The following SLC9A9 variants were observed in gnomAD, a reference collection of about 807,000 sequenced individuals.
SLC9A9 encodes the protein solute carrier family 9 member A9, also known as sodium/hydrogen exchanger 9.
A neutral mutation model predicts 77.8 loss-of-function variants in SLC9A9; 62 were observed. The observed-to-expected ratio is 0.80, with a 90% CI of 0.65 to 0.98. The LOEUF is 0.98. Among genes scored for constraint, SLC9A9 ranks in the 50% least tolerant of loss-of-function variants. SLC9A9 has a pLI of 0.00. For missense variants in SLC9A9, 775 were observed against 774.9 expected, an observed-to-expected ratio of 1.00 and a Z score of 0.00; for synonymous variants, 320 against 283.5, an observed-to-expected ratio of 1.13 and a Z score of -1.29.
intron 14 of SLC9A9, among the ~76,000 whole-genome samples, chr3:143,278,434 G>A (rs1372729468): frequency 6.6e-6 from 1 of 152,170 alleles, no homozygotes; most frequent in Non-Finnish European, 1.5e-5. Flanking sequence ...TAATTATTTT[G>A]TCTATTAGTT....
At chr3:143,674,491 C>G (rs2039207566) in intron 5 of SLC9A9, among the ~76,000 whole-genome samples, 2 of 152,168 alleles carry the variant, frequency 1.3e-5, no homozygotes, top group Non-Finnish European at 2.9e-5. Flanking sequence ...AACACACGAG[C>G]AGTGCCAGCG....
chr3:143,573,516 G>A (rs2037304097), intron 8 of SLC9A9, among the ~76,000 whole-genome samples: 1 of 152,094 alleles, frequency 6.6e-6, no homozygotes, highest in African/African-American at 2.4e-5. Context: ...CTAACGAACT[G>A]CCCCCTTTCT....
chr3:143,330,627 C>T (rs188863191), intron 14 of SLC9A9, among the ~76,000 whole-genome samples: 90 of 152,300 alleles, frequency 5.9e-4, no homozygotes, highest in African/African-American at 2.2e-3. Context: ...AAATGTCCTC[C>T]TTCTGTTCCT....
chr3:143,609,728 A>G (rs2037988584), intron 6 of SLC9A9, among the ~76,000 whole-genome samples: 1 of 152,184 alleles, frequency 6.6e-6, no homozygotes, highest in Non-Finnish European at 1.5e-5. Context: ...CATATTATTC[A>G]GTAAGTTGGT....
chr3:143,616,580 G>T (rs2038111047), intron 6 of SLC9A9, among the ~76,000 whole-genome samples: 1 of 152,132 alleles, frequency 6.6e-6, no homozygotes, highest in Non-Finnish European at 1.5e-5. Flanking sequence ...AGAATTTTGG[G>T]AATAGAAGGG....
intron 9 of SLC9A9, among the ~76,000 whole-genome samples, chr3:143,502,394 AT>A (rs2035937052): frequency 6.6e-6 from 1 of 152,170 alleles, no homozygotes; most frequent in South Asian, 2.1e-4. Flanking sequence ...AAGTGACTTA[AT>A]CTAGTTAGCA....
intron 5 of SLC9A9, among the ~76,000 whole-genome samples, chr3:143,676,402 C>CA (rs1169314565): frequency 2.0e-5 from 3 of 152,024 alleles, no homozygotes; most frequent in Non-Finnish European, 4.4e-5. Flanking sequence ...AACAAACAAA[C>CA]AAACAAAACA....
At chr3:143,276,850 G>T (rs1262446767) in intron 14 of SLC9A9, among the ~76,000 whole-genome samples, 2 of 151,786 alleles carry the variant, frequency 1.3e-5, no homozygotes, top group Non-Finnish European at 2.9e-5. Flanking sequence ...ATTTCAGAGA[G>T]TTTTCAGATG....
intron 8 of SLC9A9, among the ~76,000 whole-genome samples, chr3:143,554,143 T>C (rs953692310): frequency 1.3e-5 from 2 of 152,220 alleles, no homozygotes; most frequent in African/African-American, 4.8e-5. Context: ...TGTGTCTGTG[T>C]ATGGATAGCA....
chr3:143,301,746 G>A (rs543787600), intron 14 of SLC9A9, among the ~76,000 whole-genome samples: 1 of 152,314 alleles, frequency 6.6e-6, no homozygotes, highest in Non-Finnish European at 1.5e-5. Context: ...CAAAGTGTGA[G>A]AACCACTGTC....
chr3:143,692,068 T>G (rs1933487471), intron 5 of SLC9A9, among the ~76,000 whole-genome samples: 1 of 152,142 alleles, frequency 6.6e-6, no homozygotes, highest in African/African-American at 2.4e-5. Flanking sequence ...TGATTAAACC[T>G]CTGACTCTAA....
intron 14 of SLC9A9, among the ~76,000 whole-genome samples, chr3:143,308,713 A>C (rs913103217): frequency 6.6e-6 from 1 of 152,156 alleles, no homozygotes; most frequent in Non-Finnish European, 1.5e-5. Flanking sequence ...AATAATACCC[A>C]TAATTGAGTT....
intron 5 of SLC9A9, among the ~76,000 whole-genome samples, chr3:143,659,540 C>T (rs75493925): frequency 0.011 from 1,622 of 152,240 alleles, 25 homozygotes; most frequent in African/African-American, 0.037. Flanking sequence ...AACATTCCTG[C>T]TCCTTAAATA....
chr3:143,615,065 G>T (rs2038081704), intron 6 of SLC9A9, among the ~76,000 whole-genome samples: 1 of 152,074 alleles, frequency 6.6e-6, no homozygotes, highest in Non-Finnish European at 1.5e-5. Flanking sequence ...ATGCCTGCTT[G>T]GTGCTGCTGG....
At chr3:143,633,873 T>A (rs1473060076) in intron 6 of SLC9A9, among the ~76,000 whole-genome samples, 1 of 152,212 alleles carries the variant, frequency 6.6e-6, no homozygotes, top group Non-Finnish European at 1.5e-5. Flanking sequence ...CCTTCTAGTT[T>A]CATTTTAGGA....
At chr3:143,624,993 A>G (rs1212818274) in intron 6 of SLC9A9, among the ~76,000 whole-genome samples, 3 of 152,216 alleles carry the variant, frequency 2.0e-5, no homozygotes, top group Non-Finnish European at 4.4e-5. Flanking sequence ...GAGCCAAATC[A>G]TGAGTGAACT....
chr3:143,655,197 G>A (rs1038325937), intron 5 of SLC9A9, among the ~76,000 whole-genome samples: 1 of 152,192 alleles, frequency 6.6e-6, no homozygotes, highest in Admixed American at 6.5e-5. Flanking sequence ...TAGCTCCCTG[G>A]CAGGGCTCAA....
intron 9 of SLC9A9, among the ~76,000 whole-genome samples, chr3:143,512,862 G>A (rs1307808607): frequency 3.3e-5 from 5 of 152,308 alleles, no homozygotes; most frequent in South Asian, 2.1e-4. Flanking sequence ...GTGACAGAGC[G>A]AGACTCTGTC....
In SLC9A9 at chr3:143,380,641, C is replaced by A. The variant is rs532902263; in HGVS notation, c.1524+1419G>T. 1.3e-5 allele frequency among the ~76,000 whole-genome samples: 2 copies of A among 152,306 alleles called. 1 individual carries two copies. The highest frequency in any genetic ancestry group is 2.9e-5 in the Non-Finnish European group (2 of 68,026). On this transcript the variant is annotated intron_variant, in intron 13 of 15. Transcript: ENST00000316549. ...GGCTCTAATCCCAGTGCTTTGGGCA[C>A]CCCTGCTGTGCTCCATCCTGCAGTT...
Sources: gnomAD v4.1 joint callset for allele counts (sites outside exome capture counted in the v4.1 genomes callset) on GRCh38, gnomAD v4.1.1 for gene constraint, MANE v1.5 for transcripts, NCBI Gene and HGNC (gene_info 2026-07-23, HGNC 2026-07-21) for gene names.